The following ABHD17C variants were observed in gnomAD, a reference collection of about 807,000 sequenced individuals.
ABHD17C encodes alpha/beta hydrolase domain-containing protein 17C.
A neutral mutation model predicts 27.9 loss-of-function variants in ABHD17C; 11 were observed. That is an observed-to-expected ratio of 0.39 (90% CI 0.25 to 0.65). The LOEUF (loss-of-function observed/expected upper bound fraction) is 0.65, where lower values mean the gene tolerates loss of function less well. Among genes scored for constraint, ABHD17C ranks in the 30% least tolerant of loss-of-function variants. The pLI is 0.45. For synonymous variants in ABHD17C, 233 were observed against 209.1 expected (o/e 1.11, Z -0.98); for missense variants, 280 against 470.2 (o/e 0.60, Z 3.74).
intron 1 of ABHD17C, among the ~76,000 whole-genome samples, chr15:80,743,192 C>G (rs1895233274): frequency 6.6e-6 from 1 of 152,102 alleles, no homozygotes; most frequent in African/African-American, 2.4e-5. Flanking sequence ...GAATCTGGCG[C>G]TCAAGTGGAA....
chr15:80,695,504 C>T lies in ABHD17C; in HGVS notation c.75C>T (p.Cys25=). ...ELCWLFCCPP[C]PSRIAAKLAF... is the part of the protein sequence containing the mutation. ...GCTGGCTCTTCTGCTGCCCGCCCTG[C>T]CCGAGCCGCATCGCCGCCAAGCTGG... The change falls in exon 1 of 3, where the codon TGC becomes TGT. Residue 25 remains cysteine, a synonymous_variant. Coordinates refer to ENST00000258884, the MANE Select transcript of ABHD17C (RefSeq NM_021214.2). This position sits in a 1 kb window ranked among gnomAD's most constrained non-coding sequence, Gnocchi z 4.3. 7.2e-7 allele frequency: 1 copy of T among 1,385,948 alleles called. No individual in the cohort carries two copies. Among genetic ancestry groups the T allele is most frequent in the Non-Finnish European group, 9.4e-7 (1 of 1,058,404 alleles). The allele number at this position is 1,385,948 out of a possible 1,614,324, so 85.9% of individuals were successfully genotyped here. A position where few individuals can be genotyped will look rare whatever the true frequency, so the allele number is the denominator to read the frequency against.
At chr15:80,697,682 T>A (rs528043537) in intron 1 of ABHD17C, among the ~76,000 whole-genome samples, 23 of 152,334 alleles carry the variant, frequency 1.5e-4, no homozygotes, top group African/African-American at 5.5e-4. Context: ...TGGATAATGT[T>A]GAATTATCTG....
intron 1 of ABHD17C, among the ~76,000 whole-genome samples, chr15:80,728,811 A>G (rs1486855659): frequency 6.6e-6 from 1 of 152,162 alleles, no homozygotes; most frequent in East Asian, 1.9e-4. Context: ...TGGTTTCACT[A>G]TGTTGTCCAG....
At chr15:80,697,644 T>G (rs559599764) in intron 1 of ABHD17C, among the ~76,000 whole-genome samples, 40 of 152,044 alleles carry the variant, frequency 2.6e-4, no homozygotes, top group African/African-American at 9.6e-4. Context: ...TTTTTGGTCA[T>G]ATTTAGTTGA....
intron 1 of ABHD17C, among the ~76,000 whole-genome samples, chr15:80,719,781 T>C (rs1872743877): frequency 1.3e-5 from 2 of 152,222 alleles, no homozygotes; most frequent in African/African-American, 4.8e-5. Context: ...TTACATTTCC[T>C]GAATTTTGTG....
chr15:80,710,976 C>T (rs1894721271), intron 1 of ABHD17C, among the ~76,000 whole-genome samples: 1 of 152,014 alleles, frequency 6.6e-6, no homozygotes, highest in African/African-American at 2.4e-5. Flanking sequence ...GCTCATCAGA[C>T]CTTTAAGTGG....
intron 2 of ABHD17C, among the ~76,000 whole-genome samples, chr15:80,751,195 CA>C (rs760127613): frequency 5.4e-4 from 64 of 118,822 alleles, no homozygotes; most frequent in African/African-American, 5.2e-4. Context: ...ACTAAAAATA[CA>C]AAAAAAAAAA....
chr15:80,698,669 G>A (rs1463311967), intron 1 of ABHD17C, among the ~76,000 whole-genome samples: 1 of 152,226 alleles, frequency 6.6e-6, no homozygotes, highest in Non-Finnish European at 1.5e-5. Context: ...TTGCTGTTCA[G>A]TATGGTTCTT....
chr15:80,695,331 C>T lies in ABHD17C; in HGVS notation c.-99C>T, dbSNP rs953184119. 20 of 815,466 alleles carry T rather than the reference C, an allele frequency of 2.5e-5. No homozygotes were observed. The highest frequency in any genetic ancestry group is 5.0e-4 in the Middle Eastern group (1 of 1,982). The allele number at this position is 815,466 out of a possible 1,614,324, so 50.5% of individuals were successfully genotyped here. On this transcript the variant is annotated 5_prime_UTR_variant, in exon 1 of 3. Coordinates refer to ENST00000258884, the MANE Select transcript of ABHD17C (RefSeq NM_021214.2). The surrounding 1 kb of genome is among the most constrained non-coding windows in gnomAD (Gnocchi z 4.3). ...GGGCGGGCTGCAGCCGCCCTCCGCGCTCGCCTGCCAGCTCCCTCGCCGCGC... is the reference window on the plus strand; with the variant it reads ...GGGCGGGCTGCAGCCGCCCTCCGCGTTCGCCTGCCAGCTCCCTCGCCGCGC...
intron 1 of ABHD17C, among the ~76,000 whole-genome samples, chr15:80,743,358 G>C (rs1031251327): frequency 8.5e-5 from 13 of 152,240 alleles, no homozygotes; most frequent in Non-Finnish European, 1.9e-4. Context: ...CTGTGTATGT[G>C]TACTTAGGGA....
At chr15:80,738,901 A>G (rs1442367903) in intron 1 of ABHD17C, among the ~76,000 whole-genome samples, 1 of 152,188 alleles carries the variant, frequency 6.6e-6, no homozygotes, top group African/African-American at 2.4e-5. Flanking sequence ...TAACTACTAT[A>G]TGTCAGCCAC....
Position 80,752,397 on chromosome 15 carries a change from T to G in ABHD17C, c.771-1754T>G, listed in dbSNP as rs374957581. The stretch of plus-strand genomic sequence containing the variant: ...GGCTTCCTGAGTTTTTAATAAAGGC[T>G]AGATGACAGTTGTTTGTAGATCTTT... On this transcript the variant is annotated intron_variant, in intron 2 of 2. Coordinates refer to ENST00000258884, the MANE Select transcript of ABHD17C (RefSeq NM_021214.2). 9.8e-4 allele frequency among the ~76,000 whole-genome samples: 149 copies of G among 152,340 alleles called. 1 individual carries two copies. The South Asian group carries it at 0.021, about 21-fold the overall frequency.
intron 1 of ABHD17C, among the ~76,000 whole-genome samples, chr15:80,710,762 G>A (rs1894718333): frequency 6.6e-6 from 1 of 151,822 alleles, no homozygotes; most frequent in Non-Finnish European, 1.5e-5. Context: ...TTTTTGTGGA[G>A]ATGGGGTCTC....
chr15:80,740,536 T>C (rs993439057), intron 1 of ABHD17C, among the ~76,000 whole-genome samples: 1 of 151,946 alleles, frequency 6.6e-6, no homozygotes, highest in Non-Finnish European at 1.5e-5. Flanking sequence ...GATTCTGGGG[T>C]TTATAACGCC....
At chr15:80,696,261 C>T (rs1894494200) in intron 1 of ABHD17C, among the ~76,000 whole-genome samples, 1 of 152,242 alleles carries the variant, frequency 6.6e-6, no homozygotes. Flanking sequence ...AGAATTTTGC[C>T]TGCTTTGGCT....
At chr15:80,696,084 G>A in intron 1 of ABHD17C, 65 bp downstream of exon 1, 1 of 1,443,614 alleles carries the variant, frequency 6.9e-7, no homozygotes, top group Non-Finnish European at 9.3e-7. Flanking sequence ...GGGTCTCTTG[G>A]GGCCCCTGGG....
At chr15:80,736,407 G>A (rs915352601) in intron 1 of ABHD17C, among the ~76,000 whole-genome samples, 3 of 152,290 alleles carry the variant, frequency 2.0e-5, no homozygotes, top group African/African-American at 7.2e-5. Context: ...TGGCTAAAAG[G>A]TTTGCCTGGG....
chr15:80,726,052 G>A (rs1266884883), intron 1 of ABHD17C, among the ~76,000 whole-genome samples: 2 of 152,190 alleles, frequency 1.3e-5, no homozygotes, highest in African/African-American at 4.8e-5. Flanking sequence ...TGTTTCTATA[G>A]ATATTAAGTT....
At chr15:80,732,837 A>G (rs1016971489) in intron 1 of ABHD17C, among the ~76,000 whole-genome samples, 7 of 152,192 alleles carry the variant, frequency 4.6e-5, no homozygotes, top group Admixed American at 3.9e-4. Flanking sequence ...GCCAGAGCTG[A>G]TGGAATAAGT....
Sources: gnomAD v4.1 joint callset for allele counts (sites outside exome capture counted in the v4.1 genomes callset) on GRCh38, gnomAD v4.1.1 for gene constraint, Gnocchi (gnomAD v3.1) non-coding constraint, MANE v1.5 for transcripts, NCBI Gene and HGNC (gene_info 2026-07-23, HGNC 2026-07-21) for gene names.